The following DLGAP2 variants were observed in gnomAD, a reference collection of about 807,000 sequenced individuals.
DLGAP2 encodes the protein DLG associated protein 2.
Under a neutral mutation model 100.3 loss-of-function variants are expected in DLGAP2, and 26 were observed. That is an observed-to-expected ratio of 0.26 (90% CI 0.19 to 0.36). The LOEUF is 0.36. Among genes scored for constraint, DLGAP2 ranks in the 10% least tolerant of loss-of-function variants. DLGAP2 has a pLI of 1.00. For missense variants in DLGAP2, 1,858 were observed against 1,453.2 expected, an observed-to-expected ratio of 1.28 and a Z score of -4.53; for synonymous variants, 886 against 630.1, an observed-to-expected ratio of 1.41 and a Z score of -6.08.
At chr8:1,462,962 A>G (rs1316146541) in intron 3 of DLGAP2, among the ~76,000 whole-genome samples, 1 of 152,234 alleles carries the variant, frequency 6.6e-6, no homozygotes, top group East Asian at 1.9e-4. Flanking sequence ...ATTAAAGTTC[A>G]AGTGGGCCAG....
At chr8:1,634,521 C>G (rs573155309) in intron 8 of DLGAP2, among the ~76,000 whole-genome samples, 1 of 152,148 alleles carries the variant, frequency 6.6e-6, no homozygotes, top group African/African-American at 2.4e-5. Context: ...CACTCCTGCC[C>G]CTTGGTGAAG....
intron 2 of DLGAP2, among the ~76,000 whole-genome samples, chr8:1,198,114 G>A (rs1797793743): frequency 6.8e-6 from 1 of 147,446 alleles, no homozygotes; most frequent in South Asian, 2.1e-4. Context: ...GTGTACGTGT[G>A]TGCGTGTGTG....
intron 3 of DLGAP2, among the ~76,000 whole-genome samples, chr8:1,445,305 GTTCAA>G (rs1451916457): frequency 7.5e-6 from 1 of 132,834 alleles, no homozygotes; most frequent in African/African-American, 2.9e-5. Flanking sequence ...CTTCTAATTT[GTTCAA>G]TTCCCACCTA....
chr8:1,576,802 C>G (rs995625237), intron 6 of DLGAP2, among the ~76,000 whole-genome samples: 28 of 152,138 alleles, frequency 1.8e-4, no homozygotes, highest in Non-Finnish European at 4.4e-5. Flanking sequence ...TCTGAGGGCT[C>G]TGTTCTGTTC....
At chr8:1,494,756 C>A (rs73536570) in intron 3 of DLGAP2, among the ~76,000 whole-genome samples, 2,628 of 151,966 alleles carry the variant, frequency 0.017, 85 homozygotes, top group African/African-American at 0.06. Flanking sequence ...AGAAAAGAAA[C>A]GAGGTGCCAC....
At chr8:1,361,601 A>G (rs1801983098) in intron 3 of DLGAP2, among the ~76,000 whole-genome samples, 1 of 152,198 alleles carries the variant, frequency 6.6e-6, no homozygotes, top group African/African-American at 2.4e-5. Flanking sequence ...AGCTTGATAC[A>G]TTCTTAACTC....
At chr8:1,654,534 G>T (rs972348184) in intron 8 of DLGAP2, among the ~76,000 whole-genome samples, 6 of 152,006 alleles carry the variant, frequency 3.9e-5, no homozygotes, top group Non-Finnish European at 7.4e-5. Context: ...GGTGGCAAGC[G>T]CCTGTACTCC....
chr8:1,322,888 C>A (rs1277949171), intron 3 of DLGAP2, among the ~76,000 whole-genome samples: 1 of 152,154 alleles, frequency 6.6e-6, no homozygotes, highest in African/African-American at 2.4e-5. Flanking sequence ...TTATTATAAT[C>A]ATTGTGTACT....
chr8:1,430,273 C>T (rs1218717050), intron 3 of DLGAP2, among the ~76,000 whole-genome samples: 1 of 151,620 alleles, frequency 6.6e-6, no homozygotes, highest in African/African-American at 2.4e-5. Context: ...ATTCGAAATC[C>T]TCCTTGCTAA....
rs556003260 is a variant in DLGAP2 at position 1,446,007 on chromosome 8, G to A, written c.107-55359G>A. Among the ~76,000 whole-genome samples the A allele has an allele frequency of 7.4e-3, 1,124 of 151,924 alleles. 13 individuals are homozygous for A. The highest frequency in any genetic ancestry group is 0.025 in the African/African-American group (1,039 of 41,456). ...TGGATATTAGCCCTTTGTCAGATGA[G>A]TAGGTTGCAAAAATTTTCTCCCATT... On this transcript the variant is annotated intron_variant, in intron 3 of 14. Transcript: ENST00000637795.
At chr8:1,313,144 C>G (rs776928777) in intron 3 of DLGAP2, among the ~76,000 whole-genome samples, 1 of 152,180 alleles carries the variant, frequency 6.6e-6, no homozygotes, top group Non-Finnish European at 1.5e-5. Context: ...TTACCTATGT[C>G]TGTTTATATA....
intron 2 of DLGAP2, among the ~76,000 whole-genome samples, chr8:1,092,850 C>T (rs538596641): frequency 3.8e-4 from 58 of 152,220 alleles, no homozygotes; most frequent in African/African-American, 1.3e-3. Context: ...GAGTGTGGAC[C>T]GGGGCCTCAT....
intron 3 of DLGAP2, among the ~76,000 whole-genome samples, chr8:1,275,829 TAA>T (rs1491279394): frequency 3.7e-4 from 17 of 46,082 alleles, no homozygotes; most frequent in Non-Finnish European, 2.9e-4. Flanking sequence ...TATATAAAAA[TAA>T]ATATATAATA....
intron 3 of DLGAP2, among the ~76,000 whole-genome samples, chr8:1,373,120 C>G (rs1388281593): frequency 6.6e-6 from 1 of 152,138 alleles, no homozygotes; most frequent in African/African-American, 2.4e-5. Flanking sequence ...TGGGGGGGCG[C>G]CAGCATGTGG....
chr8:1,155,350 C>A (rs1796762166), intron 2 of DLGAP2, among the ~76,000 whole-genome samples: 1 of 152,190 alleles, frequency 6.6e-6, no homozygotes, highest in Non-Finnish European at 1.5e-5. Context: ...CTGCGAGGGG[C>A]ATCCGGGCTG....
chr8:781,104 G>C (rs1821675006), intron 1 of DLGAP2, among the ~76,000 whole-genome samples: 1 of 152,102 alleles, frequency 6.6e-6, no homozygotes, highest in Non-Finnish European at 1.5e-5. Context: ...ATTATTGACT[G>C]ATCTTTATTC....
intron 2 of DLGAP2, among the ~76,000 whole-genome samples, chr8:1,160,116 C>CGT (rs1563221623): frequency 6.6e-6 from 1 of 152,210 alleles, no homozygotes; most frequent in Admixed American, 6.5e-5. Context: ...CGCCGCGGCC[C>CGT]GTGGGTTCGG....
intron 2 of DLGAP2, among the ~76,000 whole-genome samples, chr8:1,203,906 C>T (rs906555079): frequency 3.0e-5 from 4 of 132,928 alleles, no homozygotes; most frequent in Non-Finnish European, 6.1e-5. Context: ...CAGGACTCAG[C>T]CTGACCACCT....
At chr8:1,445,022 G>A (rs1271789157) in intron 3 of DLGAP2, among the ~76,000 whole-genome samples, 6 of 150,318 alleles carry the variant, frequency 4.0e-5, no homozygotes, top group African/African-American at 4.9e-5. Flanking sequence ...CACCCACCTC[G>A]GCCTCCCAAA....
Sources: gnomAD v4.1 joint callset for allele counts (sites outside exome capture counted in the v4.1 genomes callset) on GRCh38, gnomAD v4.1.1 for gene constraint, MANE v1.5 for transcripts, NCBI Gene and HGNC (gene_info 2026-07-23, HGNC 2026-07-21) for gene names.